The following ZBTB20 variants were observed in gnomAD, a reference collection of about 807,000 sequenced individuals.
ZBTB20 encodes the protein zinc finger and BTB domain-containing protein 20.
In ZBTB20, 9 loss-of-function variants were observed where a neutral mutation model predicts 56.9. The ratio of observed to expected loss-of-function variants is 0.16; its 90% confidence interval spans 0.10 to 0.28. The LOEUF (loss-of-function observed/expected upper bound fraction) is 0.28, where lower values mean the gene tolerates loss of function less well. ZBTB20 is among the 10% of genes least tolerant of loss of function. The pLI is 1.00. For missense variants in ZBTB20, 655 were observed against 1,003.0 expected, an observed-to-expected ratio of 0.65 and a Z score of 4.69; for synonymous variants, 417 against 420.7, an observed-to-expected ratio of 0.99 and a Z score of 0.11.
chr3:114,693,658 A>G (rs1448836576), intron 5 of ZBTB20, 83 bp from the exon 6 acceptor site: 2 of 152,092 alleles, frequency 1.3e-5, no homozygotes, highest in African/African-American at 2.4e-5. Flanking sequence ...AAAATAACCC[A>G]TTTATTCCTC....
intron 6 of ZBTB20, among the ~76,000 whole-genome samples, chr3:114,633,781 T>C (rs1293243566): frequency 6.6e-6 from 1 of 152,196 alleles, no homozygotes; most frequent in African/African-American, 2.4e-5. Context: ...CACAATATTA[T>C]TAAAATGATA....
At chr3:114,647,789 A>T (rs1252847968) in intron 6 of ZBTB20, among the ~76,000 whole-genome samples, 1 of 152,164 alleles carries the variant, frequency 6.6e-6, no homozygotes, top group Non-Finnish European at 1.5e-5. Flanking sequence ...GAGAGAAAAA[A>T]AAAGATATGT....
chr3:115,100,580 A>G (rs751251530), intron 1 of ZBTB20: 33 of 152,252 alleles, frequency 2.2e-4, no homozygotes, highest in Non-Finnish European at 4.4e-4. Context: ...CCAGACTAAC[A>G]GAGTGAAAAA....
intron 2 of ZBTB20, among the ~76,000 whole-genome samples, chr3:115,034,680 A>G (rs1462291796): frequency 1.3e-5 from 2 of 151,954 alleles, no homozygotes; most frequent in African/African-American, 4.8e-5. Context: ...TGTATTCCCT[A>G]TAAAAATCCA....
chr3:114,977,267 A>G (rs2078140988), intron 2 of ZBTB20, among the ~76,000 whole-genome samples: 1 of 152,246 alleles, frequency 6.6e-6, no homozygotes, highest in South Asian at 2.1e-4. Context: ...AATCAAAAAA[A>G]TCTTTGTTGT....
intron 6 of ZBTB20, among the ~76,000 whole-genome samples, chr3:114,647,390 CCT>C (rs1316802067): frequency 6.6e-6 from 1 of 152,134 alleles, no homozygotes; most frequent in East Asian, 1.9e-4. Flanking sequence ...TCCTTTCTTT[CCT>C]CTCTCTATCT....
chr3:114,839,087 CA>C (rs1258239337), intron 4 of ZBTB20, among the ~76,000 whole-genome samples: 2 of 152,070 alleles, frequency 1.3e-5, no homozygotes, highest in Non-Finnish European at 2.9e-5. Context: ...TATACATTAG[CA>C]AAACTTTGAC....
intron 2 of ZBTB20, among the ~76,000 whole-genome samples, chr3:115,039,331 C>T (rs115692054): frequency 1.8e-4 from 27 of 152,010 alleles, no homozygotes; most frequent in African/African-American, 5.5e-4. Flanking sequence ...GGAAAACAAT[C>T]GGGATAGAAA....
Position 114,892,267 on chromosome 3 carries a change from C to T in ZBTB20, c.-417+8037G>A, listed in dbSNP as rs374258124. 5.3e-5 allele frequency among the ~76,000 whole-genome samples: 8 copies of T among 152,150 alleles called. No homozygotes were observed. The East Asian group carries it at 1.5e-3, about 29-fold the overall frequency. On this transcript the variant is annotated intron_variant, in intron 4 of 11. Transcript: ENST00000675478. The stretch of plus-strand genomic sequence containing the variant: ...GTATTCATCATATTCCATAACAGCT[C>T]ACAGTTTGTTATACATTAACTGCTT...
At chr3:115,056,420 C>G (rs1452869290) in intron 2 of ZBTB20, among the ~76,000 whole-genome samples, 1 of 152,024 alleles carries the variant, frequency 6.6e-6, no homozygotes, top group African/African-American at 2.4e-5. Flanking sequence ...CCTCATGCCC[C>G]TGCAACCTGG....
intron 5 of ZBTB20, among the ~76,000 whole-genome samples, chr3:114,785,899 G>C (rs2070448771): frequency 6.6e-6 from 1 of 152,052 alleles, no homozygotes; most frequent in African/African-American, 2.4e-5. Flanking sequence ...TCTTATAATT[G>C]AAAGTGTGTA....
In ZBTB20 at chr3:114,325,491, A is replaced by G. The variant is rs959494883; in HGVS notation, c.*13514T>C. ...TTAGGTATAGAAGTCAGGAGTTTCT[A>G]CAATTTCTCTAGAAGTGTTTGGCAG... On this transcript the variant is annotated 3_prime_UTR_variant, in exon 12 of 12. Transcript: ENST00000675478. 3.3e-5 allele frequency: 5 copies of G among 152,196 alleles called. No individual in the cohort carries two copies. Among genetic ancestry groups the G allele is most frequent in the African/African-American group, 7.2e-5 (3 of 41,450 alleles). The allele number at this position is 152,196 out of a possible 1,614,324, so 9.4% of individuals were successfully genotyped here. A position where few individuals can be genotyped will look rare whatever the true frequency, so the allele number is the denominator to read the frequency against.
At chr3:115,032,611 T>C (rs1427274882) in intron 2 of ZBTB20, among the ~76,000 whole-genome samples, 1 of 151,278 alleles carries the variant, frequency 6.6e-6, no homozygotes, top group Non-Finnish European at 1.5e-5. Flanking sequence ...TGTAAGGCAA[T>C]TACCAGTGTC....
chr3:114,357,477 G>C (rs988833281), intron 10 of ZBTB20, among the ~76,000 whole-genome samples: 2 of 152,130 alleles, frequency 1.3e-5, no homozygotes, highest in African/African-American at 4.8e-5. Context: ...AATTGGGTAT[G>C]CCTTTAATAT....
At chr3:115,016,456 T>C (rs2079962764) in intron 2 of ZBTB20, among the ~76,000 whole-genome samples, 1 of 152,050 alleles carries the variant, frequency 6.6e-6, no homozygotes, top group Non-Finnish European at 1.5e-5. Context: ...GTTTTACATT[T>C]AAGTCCTTAA....
chr3:114,718,950 G>C (rs1258932860), intron 5 of ZBTB20, among the ~76,000 whole-genome samples: 1 of 151,568 alleles, frequency 6.6e-6, no homozygotes, highest in Non-Finnish European at 1.5e-5. Flanking sequence ...GTTCCACTAA[G>C]TTAAACTTTA....
intron 3 of ZBTB20, chr3:114,931,259 G>C (rs1026562555): frequency 2.1e-5 from 4 of 192,574 alleles, no homozygotes; most frequent in Non-Finnish European, 4.6e-5. Context: ...AGCCAGCCTA[G>C]AGAGGACGGC....
At chr3:114,990,725 C>T (rs2078766143) in intron 2 of ZBTB20, among the ~76,000 whole-genome samples, 1 of 152,032 alleles carries the variant, frequency 6.6e-6, no homozygotes, top group East Asian at 1.9e-4. Context: ...GCTGTGGATC[C>T]GTCTGGTCCT....
intron 3 of ZBTB20, among the ~76,000 whole-genome samples, chr3:114,915,880 C>T (rs1316608111): frequency 6.6e-6 from 1 of 151,836 alleles, no homozygotes; most frequent in Non-Finnish European, 1.5e-5. Flanking sequence ...CACAATTCTT[C>T]ATTATTAATT....
Sources: allele counts gnomAD v4.1 joint callset (sites outside exome capture counted in the v4.1 genomes callset), GRCh38; gene constraint gnomAD v4.1.1; transcripts MANE v1.5; gene names NCBI Gene and HGNC (gene_info 2026-07-23, HGNC 2026-07-21).